Variants in PDZRN3 observed in about 807,000 individuals in gnomAD.
The protein encoded by PDZRN3 is PDZ domain containing ring finger 3.
In PDZRN3, 38 loss-of-function variants were observed where a neutral mutation model predicts 85.7. That is an observed-to-expected ratio of 0.44 (90% CI 0.34 to 0.58). The LOEUF (loss-of-function observed/expected upper bound fraction) is 0.58, where lower values mean the gene tolerates loss of function less well. Among genes scored for constraint, PDZRN3 ranks in the 20% least tolerant of loss-of-function variants. PDZRN3 has a pLI of 0.01. For synonymous variants in PDZRN3, 759 were observed against 638.0 expected (o/e 1.19, Z -2.86); for missense variants, 1,629 against 1,506.4 (o/e 1.08, Z -1.35).
At chr3:73,528,265 G>T (rs918381490) in intron 3 of PDZRN3, among the ~76,000 whole-genome samples, 1 of 152,208 alleles carries the variant, frequency 6.6e-6, no homozygotes, top group Non-Finnish European at 1.5e-5. Flanking sequence ...TGCCAGGAAG[G>T]CTGACTATCT....
intron 3 of PDZRN3, among the ~76,000 whole-genome samples, chr3:73,431,277 A>G (rs1702425058): frequency 6.6e-6 from 1 of 152,226 alleles, no homozygotes; most frequent in South Asian, 2.1e-4. Flanking sequence ...GTGTGCAACA[A>G]GAGGCAAAGC....
chr3:73,602,128 CA>C (rs1490156208), intron 3 of PDZRN3, among the ~76,000 whole-genome samples: 4 of 152,114 alleles, frequency 2.6e-5, no homozygotes, highest in African/African-American at 7.2e-5. Context: ...TGAAAAAAGC[CA>C]AATTGTGAAC....
At position 73,489,559 on chromosome 3, in the gene PDZRN3, A is replaced by G. The variant is rs1294674928; in HGVS notation, c.919-85164T>C. Among the ~76,000 whole-genome samples the G allele has an allele frequency of 6.8e-5, 6 of 88,476 alleles. No individual in the cohort carries two copies. In the Admixed American group the frequency reaches 6.9e-4, roughly 10 times the overall value. The allele number at this position is 88,476 out of a possible 152,430, so 58.0% of individuals were successfully genotyped here. ...CATCAAGGCTGTCCTAGCCATGCAT[A>G]TGGGCAGTTTCTTTTCTTTTTTTTT... On this transcript the variant is annotated intron_variant, in intron 3 of 9. Coordinates refer to ENST00000263666, the MANE Select transcript of PDZRN3 (RefSeq NM_015009.3).
chr3:73,424,882 G>A (rs1200336019), intron 3 of PDZRN3, among the ~76,000 whole-genome samples: 1 of 152,188 alleles, frequency 6.6e-6, no homozygotes, highest in East Asian at 1.9e-4. Context: ...ACAATACCAA[G>A]TGTTGGCAGG....
intron 1 of PDZRN3, among the ~76,000 whole-genome samples, chr3:73,616,104 C>G (rs1702757733): frequency 6.6e-6 from 1 of 152,202 alleles, no homozygotes; most frequent in African/African-American, 2.4e-5. Flanking sequence ...TCCTCTCTCT[C>G]TCCATTGCCT....
intron 3 of PDZRN3, among the ~76,000 whole-genome samples, chr3:73,471,649 G>T (rs931652468): frequency 2.6e-5 from 4 of 152,152 alleles, no homozygotes; most frequent in Non-Finnish European, 5.9e-5. Flanking sequence ...TACTGGTTTT[G>T]CCCTCAAGGA....
At chr3:73,621,202 C>G (rs1267097324) in intron 1 of PDZRN3, among the ~76,000 whole-genome samples, 1 of 152,150 alleles carries the variant, frequency 6.6e-6, no homozygotes, top group Non-Finnish European at 1.5e-5. Context: ...CATGGTAGAA[C>G]AGAAGAGACA....
intron 3 of PDZRN3, among the ~76,000 whole-genome samples, chr3:73,547,811 T>A (rs1470269540): frequency 6.6e-6 from 1 of 152,116 alleles, no homozygotes; most frequent in Non-Finnish European, 1.5e-5. Context: ...AGAGCCAGAG[T>A]CAACTCTGAA....
At chr3:73,427,930 GGGGGATTTTCTTAGGTCAGGTCA>G (rs1226214998) in intron 3 of PDZRN3, among the ~76,000 whole-genome samples, 3 of 152,156 alleles carry the variant, frequency 2.0e-5, no homozygotes, top group Admixed American at 1.3e-4. Context: ...AGAGTGGGTC[GGGGGATTTTCTTAGGTCAGGTCA>G]GGCCTCCAGG....
rs188118912 is a variant in PDZRN3 at position 73,599,041 on chromosome 3, G to T, written c.918+3313C>A. Reference sequence around the variant, plus strand: ...ACATATCCCACCAGACAGTCATGAAGATAAAATAACAAGCTTTTTATAATT... The same window carrying T: ...ACATATCCCACCAGACAGTCATGAATATAAAATAACAAGCTTTTTATAATT... On this transcript the variant is annotated intron_variant, in intron 3 of 9. Coordinates refer to ENST00000263666, the MANE Select transcript of PDZRN3 (RefSeq NM_015009.3). 2.6e-5 allele frequency among the ~76,000 whole-genome samples: 4 copies of T among 152,308 alleles called. No individual in the cohort carries two copies. In the East Asian group the frequency reaches 5.8e-4, roughly 22 times the overall value.
chr3:73,440,621 A>G (rs1702616679), intron 3 of PDZRN3, among the ~76,000 whole-genome samples: 1 of 152,184 alleles, frequency 6.6e-6, no homozygotes, highest in South Asian at 2.1e-4. Flanking sequence ...TAGATTGGAA[A>G]TTCCCGAGGG....
chr3:73,387,308 T>C (rs1701417078), intron 8 of PDZRN3, among the ~76,000 whole-genome samples: 1 of 152,204 alleles, frequency 6.6e-6, no homozygotes. Flanking sequence ...TCTAAGTGGA[T>C]CAAGAGTGCC....
At position 73,447,534 on chromosome 3, in the gene PDZRN3, C is replaced by G. The variant is rs150172476; in HGVS notation, c.919-43139G>C. On this transcript the variant is annotated intron_variant, in intron 3 of 9. Coordinates refer to ENST00000263666, the MANE Select transcript of PDZRN3 (RefSeq NM_015009.3). ...TCTCTTTGGTTTGCCCTCTGCAATC[C>G]TTCCTCCATAGCCGAACACACACTA... Among the ~76,000 whole-genome samples the G allele has an allele frequency of 3.3e-3, 510 of 152,266 alleles. 4 individuals are homozygous for G. The highest frequency in any genetic ancestry group is 5.4e-3 in the Non-Finnish European group (369 of 68,018).
chr3:73,558,567 C>T (rs1701749604), intron 3 of PDZRN3, among the ~76,000 whole-genome samples: 1 of 152,308 alleles, frequency 6.6e-6, no homozygotes, highest in East Asian at 1.9e-4. Context: ...TGTGAATGAG[C>T]AAACTCCCCT....
chr3:73,589,967 T>A (rs1208144234), intron 3 of PDZRN3, among the ~76,000 whole-genome samples: 1 of 152,082 alleles, frequency 6.6e-6, no homozygotes, highest in Admixed American at 6.6e-5. Flanking sequence ...TGAAAAATAT[T>A]ATTTGTCAAA....
At chr3:73,577,160 T>C (rs1209305251) in intron 3 of PDZRN3, among the ~76,000 whole-genome samples, 2 of 152,160 alleles carry the variant, frequency 1.3e-5, no homozygotes, top group Non-Finnish European at 2.9e-5. Context: ...CAAACCCAAA[T>C]TGAGAGCTTG....
intron 3 of PDZRN3, among the ~76,000 whole-genome samples, chr3:73,580,409 C>T (rs184849361): frequency 6.6e-6 from 1 of 152,340 alleles, no homozygotes; most frequent in East Asian, 1.9e-4. Flanking sequence ...TGTTGTGCAG[C>T]CAGCTCTCAC....
At chr3:73,611,245 C>T (rs981539060) in intron 1 of PDZRN3, among the ~76,000 whole-genome samples, 1 of 152,160 alleles carries the variant, frequency 6.6e-6, no homozygotes, top group African/African-American at 2.4e-5. Context: ...AGTATCAGAA[C>T]AAAATTCCAA....
At chr3:73,611,529 G>A (rs1702685548) in intron 1 of PDZRN3, among the ~76,000 whole-genome samples, 1 of 152,202 alleles carries the variant, frequency 6.6e-6, no homozygotes, top group Admixed American at 6.5e-5. Flanking sequence ...ACAAGTGTCA[G>A]ACATTGGCTT....
Sources: allele counts gnomAD v4.1 joint callset (sites outside exome capture counted in the v4.1 genomes callset), GRCh38; gene constraint gnomAD v4.1.1; transcripts MANE v1.5; gene names NCBI Gene and HGNC (gene_info 2026-07-23, HGNC 2026-07-21).